RBFOX1: variants seen among roughly 807,000 people sequenced by gnomAD.
The protein encoded by RBFOX1 is RNA binding protein fox-1 homolog 1.
RBFOX1 carries 8 observed loss-of-function variants against 57.7 expected under a neutral mutation model. The ratio of observed to expected loss-of-function variants is 0.14; its 90% CI spans 0.08 to 0.25. RBFOX1 has a LOEUF of 0.25. Ranked by LOEUF, RBFOX1 falls within the 10% of genes least tolerant of loss-of-function variation. The pLI is 1.00. For missense variants in RBFOX1, 611 were observed against 548.5 expected (o/e 1.11, Z -1.14); for synonymous variants, 326 against 222.4 (o/e 1.47, Z -4.15).
chr16:6,311,092 C>T (rs995245384), intron 1 of RBFOX1, among the ~76,000 whole-genome samples: 2 of 151,768 alleles, frequency 1.3e-5, no homozygotes, highest in Non-Finnish European at 2.9e-5. Flanking sequence ...GTCAGGAGTT[C>T]AAGACCAGCC....
chr16:7,232,717 T>C (rs1358318527), intron 4 of RBFOX1, among the ~76,000 whole-genome samples: 1 of 152,060 alleles, frequency 6.6e-6, no homozygotes, highest in Non-Finnish European at 1.5e-5. Context: ...GGTGCATGCC[T>C]GTAGTCCCAG....
intron 4 of RBFOX1, chr16:7,431,165 C>G (rs1387242392): frequency 6.6e-6 from 1 of 152,142 alleles, no homozygotes; most frequent in African/African-American, 2.4e-5. Flanking sequence ...GTGATTATCT[C>G]GTTTGATTCC....
intron 4 of RBFOX1, among the ~76,000 whole-genome samples, chr16:7,420,938 TACAC>T (rs917264873): frequency 2.1e-4 from 29 of 140,128 alleles, no homozygotes; most frequent in East Asian, 6.1e-4. Context: ...CATATATATA[TACAC>T]ACACACACAC....
chr16:6,380,486 G>A (rs1007871025), intron 2 of RBFOX1, among the ~76,000 whole-genome samples: 3 of 133,186 alleles, frequency 2.3e-5, no homozygotes, highest in African/African-American at 8.5e-5. Context: ...CAGAGAAAAT[G>A]GACAACTTAT....
chr16:6,405,033 C>T (rs572858463), intron 2 of RBFOX1, among the ~76,000 whole-genome samples: 10 of 152,218 alleles, frequency 6.6e-5, no homozygotes, highest in African/African-American at 2.2e-4. Context: ...AAATGAACTG[C>T]TAAGTATTTA....
chr16:5,414,371 C>T (rs2067103760), intron 1 of RBFOX1, among the ~76,000 whole-genome samples: 1 of 152,136 alleles, frequency 6.6e-6, no homozygotes, highest in Non-Finnish European at 1.5e-5. Context: ...TGGGTATTTT[C>T]CTCTCTGTGG....
At chr16:5,788,221 A>G (rs930381931) in intron 3 of RBFOX1, among the ~76,000 whole-genome samples, 2 of 152,182 alleles carry the variant, frequency 1.3e-5, no homozygotes, top group Non-Finnish European at 2.9e-5. Context: ...TTTACCCTGG[A>G]TGGAGAGAAG....
intron 1 of RBFOX1, among the ~76,000 whole-genome samples, chr16:6,035,389 G>C (rs2095352531): frequency 6.6e-6 from 1 of 152,218 alleles, no homozygotes; most frequent in African/African-American, 2.4e-5. Context: ...AGTCTAGGAA[G>C]AAACAAGACG....
chr16:6,514,897 GA>G (rs892173564), intron 2 of RBFOX1, among the ~76,000 whole-genome samples: 3 of 151,840 alleles, frequency 2.0e-5, no homozygotes, highest in African/African-American at 7.3e-5. Flanking sequence ...GGGAGGAGGA[GA>G]AAAAAGAGGG....
chr16:6,887,267 A>G (rs1212731128), intron 3 of RBFOX1, among the ~76,000 whole-genome samples: 1 of 152,214 alleles, frequency 6.6e-6, no homozygotes, highest in African/African-American at 2.4e-5. Context: ...GAACTGTGTT[A>G]TCTGCGAAGA....
At chr16:5,959,056 G>C (rs1283799309) in intron 4 of RBFOX1, among the ~76,000 whole-genome samples, 1 of 152,164 alleles carries the variant, frequency 6.6e-6, no homozygotes. Context: ...GACCACACCA[G>C]GTAAAACTTG....
At chr16:7,002,334 G>C (rs184263226) in intron 3 of RBFOX1, among the ~76,000 whole-genome samples, 59 of 152,226 alleles carry the variant, frequency 3.9e-4, no homozygotes, top group African/African-American at 1.4e-3. Flanking sequence ...TTTTGTGTTT[G>C]TGTGAGCACA....
chr16:6,661,952 TGAAAC>T (rs2098704103), intron 3 of RBFOX1, among the ~76,000 whole-genome samples: 1 of 152,140 alleles, frequency 6.6e-6, no homozygotes, highest in South Asian at 2.1e-4. Context: ...ATTTAGCCAT[TGAAAC>T]GAAGGGAAAT....
Position 6,614,407 on chromosome 16 carries a change from A to T in RBFOX1, c.-63-40196A>T, listed in dbSNP as rs74634848. Among the ~76,000 whole-genome samples the T allele has an allele frequency of 2.0e-4, 30 of 152,310 alleles. No individual in the cohort carries two copies. The East Asian group carries it at 5.4e-3, about 27-fold the overall frequency. ...AGAATATTGGTATCTGCCTAGAAAG[A>T]AGATGGTTATTAAAAAGAATAAAAG... On this transcript the variant is annotated intron_variant, in intron 2 of 15. Coordinates refer to ENST00000550418, the MANE Select transcript of RBFOX1 (RefSeq NM_018723.4).
intron 1 of RBFOX1, among the ~76,000 whole-genome samples, chr16:5,312,873 C>A (rs2064129926): frequency 6.6e-6 from 1 of 152,342 alleles, no homozygotes; most frequent in Non-Finnish European, 1.5e-5. Flanking sequence ...GAGGCGGACA[C>A]TGCAGATTGC....
intron 3 of RBFOX1, among the ~76,000 whole-genome samples, chr16:5,698,717 A>C (rs907288292): frequency 1.3e-5 from 2 of 152,224 alleles, no homozygotes; most frequent in Non-Finnish European, 2.9e-5. Flanking sequence ...TAACTGATTA[A>C]TGAATAATCA....
intron 4 of RBFOX1, among the ~76,000 whole-genome samples, chr16:5,930,805 G>A (rs2059037623): frequency 7.0e-6 from 1 of 142,436 alleles, no homozygotes; most frequent in Non-Finnish European, 1.5e-5. Context: ...TATGTTGGTG[G>A]GTGGGAGGGT....
intron 3 of RBFOX1, among the ~76,000 whole-genome samples, chr16:6,722,948 G>A (rs1035467669): frequency 2.6e-5 from 4 of 152,128 alleles, no homozygotes; most frequent in East Asian, 3.9e-4. Flanking sequence ...TCTGCTTCTA[G>A]GCAAGTCAGG....
intron 2 of RBFOX1, among the ~76,000 whole-genome samples, chr16:6,493,964 C>G (rs1008633721): frequency 2.0e-5 from 3 of 152,166 alleles, no homozygotes; most frequent in African/African-American, 7.2e-5. Flanking sequence ...TGATATTTTC[C>G]TGTATACCAG....
Sources: gnomAD v4.1 joint callset for allele counts (sites outside exome capture counted in the v4.1 genomes callset) on GRCh38, gnomAD v4.1.1 for gene constraint, MANE v1.5 for transcripts, NCBI Gene and HGNC (gene_info 2026-07-23, HGNC 2026-07-21) for gene names.